DMD: variants seen among roughly 807,000 people sequenced by gnomAD.
DMD encodes the protein mutant dystrophin.
A neutral mutation model predicts 330.1 loss-of-function variants in DMD; 63 were observed. The ratio of observed to expected loss-of-function variants is 0.19; its 90% CI spans 0.16 to 0.24. The LOEUF is 0.24. Among genes scored for constraint, DMD ranks in the 10% least tolerant of loss-of-function variants. The pLI is 1.00. For synonymous variants in DMD, 1,223 were observed against 959.8 expected (o/e 1.27, Z -5.07); for missense variants, 3,344 against 2,684.1 (o/e 1.25, Z -5.43).
intron 44 of DMD, among the ~76,000 whole-genome samples, chrX:32,183,571 A>ATATATATATATAT (rs2096934749): frequency 1.1e-4 from 10 of 95,108 alleles, no homozygotes; most frequent in African/African-American, 3.4e-4. Flanking sequence ...TATATATATA[A>ATATATATATATAT]ATATATATAT....
At chrX:31,904,551 C>T (rs1047876238) in intron 47 of DMD, among the ~76,000 whole-genome samples, 13 of 111,893 alleles carry the variant, frequency 1.2e-4, no homozygotes, top group African/African-American at 3.9e-4. Flanking sequence ...TTCCCCCCTC[C>T]CCCACTTTCT....
intron 60 of DMD, among the ~76,000 whole-genome samples, chrX:31,396,275 C>T (rs2060930661): frequency 9.1e-6 from 1 of 109,902 alleles, no homozygotes; most frequent in South Asian, 4.0e-4. Flanking sequence ...GTAGCTGGGA[C>T]TACAGGCGCC....
At chrX:32,612,720 C>G (rs921403133) in intron 12 of DMD, among the ~76,000 whole-genome samples, 4 of 111,341 alleles carry the variant, frequency 3.6e-5, no homozygotes, top group Admixed American at 2.9e-4. Flanking sequence ...CAATTAGTAT[C>G]TATATGACAA....
intron 2 of DMD, among the ~76,000 whole-genome samples, chrX:32,986,058 A>G (rs975224093): frequency 8.9e-6 from 1 of 112,029 alleles, no homozygotes; most frequent in East Asian, 2.8e-4. Context: ...TCCATGCCTC[A>G]CTTTCCCTCT....
chrX:31,930,466 A>C (rs1423319048), intron 46 of DMD, among the ~76,000 whole-genome samples: 2 of 111,042 alleles, frequency 1.8e-5, no homozygotes, highest in Non-Finnish European at 3.8e-5. Flanking sequence ...CCCTTTCCCA[A>C]GACCTCCAAA....
intron 1 of DMD, among the ~76,000 whole-genome samples, chrX:33,312,440 C>A (rs5928231): frequency 0.2 from 22,623 of 110,596 alleles, 1,773 homozygotes; most frequent in East Asian, 0.27. Flanking sequence ...AAATATATAA[C>A]TTTACTCATG....
chrX:33,187,404 A>G (rs1195589822), intron 1 of DMD, among the ~76,000 whole-genome samples: 1 of 112,866 alleles, frequency 8.9e-6, no homozygotes, highest in Non-Finnish European at 1.9e-5. Flanking sequence ...AATTTCTATA[A>G]CAGAATAACT....
At chrX:32,861,743 C>T (rs1179400220) in intron 2 of DMD, among the ~76,000 whole-genome samples, 1 of 111,573 alleles carries the variant, frequency 9.0e-6, no homozygotes, top group Non-Finnish European at 1.9e-5. Flanking sequence ...CCAAATCCAA[C>T]TAGTAGCCAG....
At chrX:32,821,686 T>C (rs1402169833) in intron 5 of DMD, among the ~76,000 whole-genome samples, 1 of 111,543 alleles carries the variant, frequency 9.0e-6, no homozygotes, top group Non-Finnish European at 1.9e-5. Context: ...ATCTGAACTA[T>C]TACCCTCATT....
intron 6 of DMD, 80 bp from the exon 7 acceptor site, chrX:32,809,691 CTTAA>C: frequency 1.1e-6 from 1 of 871,278 alleles, no homozygotes; most frequent in Non-Finnish European, 1.7e-6. Context: ...TACTTCCATG[CTTAA>C]TTTTCATTGA....
intron 15 of DMD, among the ~76,000 whole-genome samples, chrX:32,566,172 A>C (rs1443201423): frequency 8.9e-6 from 1 of 112,116 alleles, no homozygotes; most frequent in Non-Finnish European, 1.9e-5. Flanking sequence ...CCAAGTGAAA[A>C]GGTAATATTG....
chrX:31,449,210 C>T (rs2065509615), intron 59 of DMD, among the ~76,000 whole-genome samples: 1 of 111,050 alleles, frequency 9.0e-6, no homozygotes, highest in African/African-American at 3.3e-5. Flanking sequence ...CCTGGCATAG[C>T]GTGCAGTGCC....
chrX:31,928,758 T>C (rs1487280574), intron 47 of DMD, among the ~76,000 whole-genome samples: 1 of 111,997 alleles, frequency 8.9e-6, no homozygotes, highest in Non-Finnish European at 1.9e-5. Context: ...GAAATACGAT[T>C]GAATTGTTCA....
intron 2 of DMD, among the ~76,000 whole-genome samples, chrX:32,866,319 A>G (rs2082474094): frequency 8.9e-6 from 1 of 112,450 alleles, no homozygotes; most frequent in African/African-American, 3.2e-5. Context: ...TATTTGAAAT[A>G]GTATGTTGGT....
At chrX:31,376,207 T>C (rs2059876231) in intron 60 of DMD, among the ~76,000 whole-genome samples, 1 of 112,395 alleles carries the variant, frequency 8.9e-6, no homozygotes, top group South Asian at 3.7e-4. Flanking sequence ...AACAGATCTC[T>C]TTAAAATCAC....
At chrX:31,160,637 C>T (rs1384967350) in intron 74 of DMD, among the ~76,000 whole-genome samples, 2 of 111,920 alleles carry the variant, frequency 1.8e-5, no homozygotes, top group African/African-American at 6.5e-5. Flanking sequence ...TTCTTCACTT[C>T]CAAACTCCTC....
At chrX:32,610,372 T>C (rs144186263) in intron 12 of DMD, among the ~76,000 whole-genome samples, 1 of 111,255 alleles carries the variant, frequency 9.0e-6, no homozygotes, top group East Asian at 2.8e-4. Context: ...AACCACCATA[T>C]AGGATCAATT....
intron 51 of DMD, 44 bp from the exon 52 acceptor site, chrX:31,729,792 G>C (rs373462513): frequency 6.8e-6 from 7 of 1,030,844 alleles, no homozygotes; most frequent in Non-Finnish European, 9.6e-6. Context: ...CTTCAGCGTT[G>C]TGTATTCCTT....
chrX:31,590,120 G>A (rs1337766340), intron 55 of DMD, among the ~76,000 whole-genome samples: 1 of 110,389 alleles, frequency 9.1e-6, no homozygotes, highest in Non-Finnish European at 1.9e-5. Context: ...ATTTCTCCCT[G>A]TGGCAAATGT....
Sources: allele counts gnomAD v4.1 joint callset (sites outside exome capture counted in the v4.1 genomes callset), GRCh38; gene constraint gnomAD v4.1.1; transcripts MANE v1.5; gene names NCBI Gene and HGNC (gene_info 2026-07-23, HGNC 2026-07-21).